The following NAALAD2 variants were observed in gnomAD, a reference collection of about 807,000 sequenced individuals.
The protein encoded by NAALAD2 is N-acetylated-alpha-linked acidic dipeptidase 2.
In NAALAD2, 89 loss-of-function variants were observed where a neutral mutation model predicts 95.6. That is an observed-to-expected ratio of 0.93 (90% CI 0.78 to 1.11). The LOEUF (loss-of-function observed/expected upper bound fraction) is 1.11, where lower values mean the gene tolerates loss of function less well. Among genes scored for constraint, NAALAD2 ranks in the 50% least tolerant of loss-of-function variants. The probability of loss-of-function intolerance (pLI) is 0.00; values close to 1 mark genes in which losing one functional copy is unlikely to be tolerated. For missense variants in NAALAD2, 894 were observed against 872.4 expected, an observed-to-expected ratio of 1.02 and a Z score of -0.31; for synonymous variants, 264 against 294.4, an observed-to-expected ratio of 0.90 and a Z score of 1.06.
chr11:90,187,008 C>T (rs1229348440), intron 18 of NAALAD2, among the ~76,000 whole-genome samples: 22 of 151,246 alleles, frequency 1.5e-4, no homozygotes, highest in East Asian at 1.9e-4. Flanking sequence ...AAAAAGTGGG[C>T]GAAGGACATG....
intron 17 of NAALAD2, among the ~76,000 whole-genome samples, chr11:90,182,478 A>G (rs985567190): frequency 1.3e-5 from 2 of 152,108 alleles, no homozygotes; most frequent in East Asian, 1.9e-4. Context: ...ATGTGCAGCT[A>G]TCTCTTACCC....
intron 6 of NAALAD2, among the ~76,000 whole-genome samples, chr11:90,157,087 A>G (rs1952137840): frequency 6.6e-6 from 1 of 152,122 alleles, no homozygotes; most frequent in Non-Finnish European, 1.5e-5. Context: ...GTATTCTATA[A>G]ATGTCAATTA....
chr11:90,176,873 TAAACTC>T (rs1952805953), intron 15 of NAALAD2, among the ~76,000 whole-genome samples: 1 of 152,158 alleles, frequency 6.6e-6, no homozygotes, highest in Non-Finnish European at 1.5e-5. Flanking sequence ...CCAAAATAGA[TAAACTC>T]AGAATGCTTA....
rs71472281 is a variant in NAALAD2, at chr11:90,139,855, CT to C, written c.194+4202del. Among the ~76,000 whole-genome samples, 1,313 of 144,150 alleles carry C rather than the reference CT, an allele frequency of 9.1e-3. 4 individuals are homozygous for C. The highest frequency in any genetic ancestry group is 0.018 in the African/African-American group (699 of 39,716). 94.6% of individuals were successfully genotyped at this position (144,150 alleles called of 152,430 possible). ...GCCATGACAGCTTCACAAACTTTTCCTTTTTTTTTTTTTTTTTAACAATAGT... is the reference window on the plus strand; with the variant it reads ...GCCATGACAGCTTCACAAACTTTTCCTTTTTTTTTTTTTTTTAACAATAGT... On this transcript the variant is annotated intron_variant, in intron 2 of 18. Transcript: ENST00000534061.
rs566280335 is a variant in NAALAD2, at chr11:90,134,688, GCT to G, written c.-66_-65del. The G allele has an allele frequency of 5.3e-5, 78 of 1,485,510 alleles. No individual in the cohort carries two copies. The highest frequency in any genetic ancestry group is 6.7e-5 in the Non-Finnish European group (71 of 1,066,584). The allele number at this position is 1,485,510 out of a possible 1,614,324, so 92.0% of individuals were successfully genotyped here. ...AGAGCTCACAGCCTCCTGCCAGCGC[GCT>G]CTCTGTTTCTCTGCAGCCCCGAAGC... is the stretch of plus-strand genomic sequence containing the variant. On this transcript the variant is annotated 5_prime_UTR_variant, in exon 1 of 19. Transcript: ENST00000534061.
upstream of NAALAD2, among the ~76,000 whole-genome samples, chr11:90,132,556 C>T (rs979393189): frequency 3.9e-5 from 6 of 152,078 alleles, no homozygotes; most frequent in Non-Finnish European, 8.8e-5. Context: ...TTTATATGTA[C>T]AAAAATAACA....
At position 90,137,541 on chromosome 11, in the gene NAALAD2, C is replaced by T. The variant is rs182530475; in HGVS notation, c.194+1871C>T. On this transcript the variant is annotated intron_variant, in intron 2 of 18. Transcript: ENST00000534061. Reference sequence around the variant, plus strand: ...ATAAATAATTTTAGAAGTCTATTCACGGCTTTGGCTTATTTTGTATTTAGA... The same window carrying T: ...ATAAATAATTTTAGAAGTCTATTCATGGCTTTGGCTTATTTTGTATTTAGA... Among the ~76,000 whole-genome samples, 69 of 152,218 alleles carry T rather than the reference C, an allele frequency of 4.5e-4. No homozygotes were observed. In the East Asian group the frequency reaches 0.012, roughly 26 times the overall value.
chr11:90,187,016 A>G (rs1240342883), intron 18 of NAALAD2, among the ~76,000 whole-genome samples: 2 of 151,846 alleles, frequency 1.3e-5, no homozygotes, highest in African/African-American at 4.8e-5. Context: ...GGCGAAGGAC[A>G]TGAACAGACA....
intron 18 of NAALAD2, among the ~76,000 whole-genome samples, chr11:90,187,169 A>G (rs1857174403): frequency 6.6e-6 from 1 of 151,362 alleles, no homozygotes; most frequent in Non-Finnish European, 1.5e-5. Flanking sequence ...AAGTCAGGAA[A>G]CAACAGGTGC....
intron 3 of NAALAD2, 23 bp downstream of exon 3, chr11:90,147,539 T>C (rs750647098): frequency 6.3e-6 from 10 of 1,581,322 alleles, no homozygotes; most frequent in Admixed American, 3.7e-5. Context: ...GTTGGTACTT[T>C]TTATATTTTG....
chr11:90,162,873 A>G (rs2187316), intron 8 of NAALAD2, 76 bp from the exon 9 acceptor site: 321,463 of 811,954 alleles, frequency 0.4, 67,398 homozygotes, highest in African/African-American at 0.62. Context: ...CTATTATGAA[A>G]ATAGTTTTTT....
intron 6 of NAALAD2, among the ~76,000 whole-genome samples, chr11:90,152,695 ACT>A (rs1384105438): frequency 6.6e-6 from 1 of 152,046 alleles, no homozygotes; most frequent in Admixed American, 6.6e-5. Context: ...GGGAGTAAAC[ACT>A]CAGTTCATAC....
chr11:90,162,260 T>C (rs778957610), intron 8 of NAALAD2, among the ~76,000 whole-genome samples: 5 of 152,294 alleles, frequency 3.3e-5, no homozygotes, highest in Non-Finnish European at 5.9e-5. Context: ...TTTCCCTTGT[T>C]TTCTAATTCG....
intron 6 of NAALAD2, among the ~76,000 whole-genome samples, chr11:90,154,046 TC>T (rs1951959143): frequency 2.0e-5 from 3 of 147,760 alleles, no homozygotes; most frequent in African/African-American, 7.3e-5. Context: ...TCTCTCTCTC[TC>T]TCTCTCTGTC....
At chr11:90,185,762 A>G (rs1857119087) in intron 18 of NAALAD2, among the ~76,000 whole-genome samples, 1 of 152,070 alleles carries the variant, frequency 6.6e-6, no homozygotes, top group Admixed American at 6.5e-5. Flanking sequence ...TATTATGAAA[A>G]GTAATGGCAT....
chr11:90,156,381 T>G (rs913563324), intron 6 of NAALAD2, among the ~76,000 whole-genome samples: 1 of 152,132 alleles, frequency 6.6e-6, no homozygotes, highest in Admixed American at 6.6e-5. Flanking sequence ...ATTTCTTAGA[T>G]GTCTGCTGTG....
chr11:90,168,458 G>A lies in NAALAD2; in HGVS notation c.1279-471G>A, dbSNP rs146520205. ...GGAGGCCGTGGTTGCAGTGAGCTGA[G>A]ATCGTGCCGCTGCATTCTAGCCTGG... On this transcript the variant is annotated intron_variant, in intron 11 of 18. Coordinates refer to ENST00000534061, the MANE Select transcript of NAALAD2 (RefSeq NM_005467.4). Among the ~76,000 whole-genome samples, 11 of 152,300 alleles carry A rather than the reference G, an allele frequency of 7.2e-5. No homozygotes were observed. In the East Asian group the frequency reaches 2.1e-3, roughly 29 times the overall value.
intron 8 of NAALAD2, among the ~76,000 whole-genome samples, chr11:90,162,066 G>A (rs958451847): frequency 2.0e-5 from 3 of 152,012 alleles, no homozygotes; most frequent in Middle Eastern, 3.2e-3. Context: ...TACAAGTTTC[G>A]GGGGCTTATT....
intron 6 of NAALAD2, among the ~76,000 whole-genome samples, chr11:90,154,331 A>G (rs1172576388): frequency 6.6e-6 from 1 of 151,876 alleles, no homozygotes; most frequent in Non-Finnish European, 1.5e-5. Flanking sequence ...TTCTATCCTA[A>G]TATACTGGGC....
Sources: gnomAD v4.1 joint callset for allele counts (sites outside exome capture counted in the v4.1 genomes callset) on GRCh38, gnomAD v4.1.1 for gene constraint, MANE v1.5 for transcripts, NCBI Gene and HGNC (gene_info 2026-07-23, HGNC 2026-07-21) for gene names.